EYA2: variants seen among roughly 807,000 people sequenced by gnomAD.
EYA2 encodes the protein protein phosphatase EYA2.
Under a neutral mutation model 69.2 loss-of-function variants are expected in EYA2, and 31 were observed. The ratio of observed to expected loss-of-function variants is 0.45; its 90% confidence interval spans 0.34 to 0.60. EYA2 has a LOEUF of 0.60. Ranked by LOEUF, EYA2 falls within the 20% of genes least tolerant of loss-of-function variation. The probability of loss-of-function intolerance (pLI) is 0.02; values close to 1 mark genes in which losing one functional copy is unlikely to be tolerated. For synonymous variants in EYA2, 257 were observed against 279.4 expected, an observed-to-expected ratio of 0.92 and a Z score of 0.80; for missense variants, 622 against 701.2, an observed-to-expected ratio of 0.89 and a Z score of 1.28.
chr20:47,092,412 G>A (rs2146510695), intron 8 of EYA2, among the ~76,000 whole-genome samples: 1 of 152,288 alleles, frequency 6.6e-6, no homozygotes, highest in Non-Finnish European at 1.5e-5. Flanking sequence ...AGTGGGTTTA[G>A]GCCTTTGCAA....
chr20:46,996,033 C>G (rs965388949), intron 2 of EYA2, among the ~76,000 whole-genome samples: 1 of 152,218 alleles, frequency 6.6e-6, no homozygotes, highest in African/African-American at 2.4e-5. Flanking sequence ...CCCCTTAAGC[C>G]TATCTGTTTT....
chr20:46,952,389 A>T (rs1978856872), intron 1 of EYA2, among the ~76,000 whole-genome samples: 1 of 151,954 alleles, frequency 6.6e-6, no homozygotes. Context: ...TTTAGATTTT[A>T]CTCTGAGCAA....
chr20:47,105,281 G>A (rs1367164477), intron 9 of EYA2, among the ~76,000 whole-genome samples: 1 of 152,108 alleles, frequency 6.6e-6, no homozygotes. Context: ...GTTGTTCCCT[G>A]TGCCAGGAAT....
intron 5 of EYA2, among the ~76,000 whole-genome samples, chr20:47,068,444 C>T (rs942145983): frequency 1.1e-4 from 17 of 152,272 alleles, no homozygotes; most frequent in Admixed American, 2.6e-4. Context: ...CCTCAGTCTC[C>T]CCATTTGGAC....
intron 1 of EYA2, among the ~76,000 whole-genome samples, chr20:46,945,724 C>G (rs1978415633): frequency 6.6e-6 from 1 of 152,216 alleles, no homozygotes; most frequent in Admixed American, 6.5e-5. Context: ...GGGCGTGTTA[C>G]AGGAAGGGAA....
At chr20:46,911,791 A>G (rs927021056) in intron 1 of EYA2, among the ~76,000 whole-genome samples, 4 of 152,118 alleles carry the variant, frequency 2.6e-5, no homozygotes, top group Non-Finnish European at 4.4e-5. Flanking sequence ...CAGTGGCTGG[A>G]AAGGTGGGGG....
intron 14 of EYA2, 77 bp from the exon 15 acceptor site, chr20:47,183,214 G>A: frequency 7.2e-7 from 1 of 1,381,908 alleles, no homozygotes; most frequent in South Asian, 1.2e-5. Flanking sequence ...CAGGCACCAA[G>A]CTCTTAATGA....
intron 5 of EYA2, among the ~76,000 whole-genome samples, chr20:47,021,302 T>C (rs1417826796): frequency 1.3e-5 from 2 of 151,960 alleles, no homozygotes; most frequent in Non-Finnish European, 2.9e-5. Context: ...CCACATAAAC[T>C]CCCCTTCCAG....
chr20:47,007,566 A>G (rs1475020364), intron 4 of EYA2, among the ~76,000 whole-genome samples: 4 of 152,046 alleles, frequency 2.6e-5, no homozygotes, highest in African/African-American at 9.7e-5. Context: ...AGGGTTTATA[A>G]GCAGTGGGTA....
chr20:47,015,609 C>T (rs1235812374), intron 4 of EYA2, among the ~76,000 whole-genome samples: 3 of 151,968 alleles, frequency 2.0e-5, no homozygotes, highest in Middle Eastern at 3.2e-3. Flanking sequence ...ATGAAGCTCA[C>T]GGTGGCATGT....
intron 7 of EYA2, among the ~76,000 whole-genome samples, chr20:47,083,440 T>C (rs1258432031): frequency 2.0e-5 from 3 of 151,844 alleles, no homozygotes; most frequent in Non-Finnish European, 4.4e-5. Flanking sequence ...TAGCCAGGCT[T>C]GGTGGCGCAC....
At chr20:46,966,596 C>T (rs1979795975) in intron 1 of EYA2, among the ~76,000 whole-genome samples, 1 of 152,138 alleles carries the variant, frequency 6.6e-6, no homozygotes, top group South Asian at 2.1e-4. Flanking sequence ...ATCACGAGGT[C>T]AGGACATCGA....
At chr20:46,996,768 C>G (rs567008535) in intron 2 of EYA2, among the ~76,000 whole-genome samples, 121 of 152,120 alleles carry the variant, frequency 8.0e-4, no homozygotes, top group African/African-American at 2.8e-3. Context: ...GCAGGCTGTA[C>G]AGGAAGCCTG....
intron 5 of EYA2, among the ~76,000 whole-genome samples, chr20:47,047,710 A>G (rs778469704): frequency 4.7e-5 from 7 of 150,372 alleles, no homozygotes; most frequent in Non-Finnish European, 8.9e-5. Context: ...TGTTAGGGAC[A>G]AGGATATTGT....
chr20:47,147,494 GA>G (rs908393569), intron 10 of EYA2, among the ~76,000 whole-genome samples: 9 of 152,322 alleles, frequency 5.9e-5, no homozygotes, highest in Non-Finnish European at 1.2e-4. Flanking sequence ...AAACTGGGAG[GA>G]AACCAGCAAG....
At chr20:47,146,112 T>A (rs2033695471) in intron 10 of EYA2, among the ~76,000 whole-genome samples, 1 of 152,090 alleles carries the variant, frequency 6.6e-6, no homozygotes, top group Non-Finnish European at 1.5e-5. Flanking sequence ...CTGGGCTTGA[T>A]CTGACCAGGA....
intron 1 of EYA2, among the ~76,000 whole-genome samples, chr20:46,919,768 G>C (rs1023737990): frequency 1.3e-5 from 2 of 152,202 alleles, no homozygotes; most frequent in Non-Finnish European, 2.9e-5. Flanking sequence ...AACATTTGTT[G>C]CAAGAGGCCT....
chr20:46,934,063 A>G (rs772717431), intron 1 of EYA2, among the ~76,000 whole-genome samples: 67 of 152,386 alleles, frequency 4.4e-4, no homozygotes, highest in Non-Finnish European at 6.5e-4. Flanking sequence ...ACTGATCATT[A>G]GCAAAGTGTT....
At chr20:47,166,393 TAAAAAAAA>T (rs370944686) in intron 10 of EYA2, among the ~76,000 whole-genome samples, 613 of 34,350 alleles carry the variant, frequency 0.018, 47 homozygotes, top group African/African-American at 0.037. Context: ...CAAGACTGTC[TAAAAAAAA>T]AAAAAAAAAA....
Sources: allele counts gnomAD v4.1 joint callset (sites outside exome capture counted in the v4.1 genomes callset), GRCh38; gene constraint gnomAD v4.1.1; transcripts MANE v1.5; gene names NCBI Gene and HGNC (gene_info 2026-07-23, HGNC 2026-07-21).